The following RPAP2 variants were observed in gnomAD, a reference collection of about 807,000 sequenced individuals.
RPAP2 encodes RNA polymerase II associated protein 2, also known as putative RNA polymerase II subunit B1 CTD phosphatase RPAP2.
RPAP2 carries 52 observed loss-of-function variants against 73.1 expected under a neutral mutation model. The observed-to-expected ratio is 0.71, with a 90% CI of 0.57 to 0.90. The LOEUF (loss-of-function observed/expected upper bound fraction) is 0.90. RPAP2 is among the 40% of genes least tolerant of loss of function. The pLI is 0.00. For missense variants in RPAP2, 598 were observed against 701.8 expected, an observed-to-expected ratio of 0.85 and a Z score of 1.67; for synonymous variants, 225 against 242.1, an observed-to-expected ratio of 0.93 and a Z score of 0.65.
rs1317090584 is a variant in RPAP2, at chr1:92,394,751, T to C, written c.*7740T>C. ...ATTGGAAGATCAAATGTTGTTAAGA[T>C]AGCAGTTCTCCCCAAATTAATCTAC... On this transcript the variant is annotated 3_prime_UTR_variant, in exon 13 of 13. Transcript: ENST00000610020. 1 of 152,230 alleles carries C rather than the reference T, an allele frequency of 6.6e-6. No homozygotes were observed. Among genetic ancestry groups the C allele is most frequent in the East Asian group, 1.9e-4 (1 of 5,194 alleles). 9.4% of individuals were successfully genotyped at this position (152,230 alleles called of 1,614,324 possible).
intron 10 of RPAP2, among the ~76,000 whole-genome samples, chr1:92,345,471 AAG>A (rs954567338): frequency 1.0e-4 from 15 of 149,204 alleles, no homozygotes; most frequent in East Asian, 2.0e-4. Flanking sequence ...GAGGGAGGGA[AAG>A]AGGGGAGGGG....
chr1:92,341,808 C>G (rs1222724410), intron 10 of RPAP2, among the ~76,000 whole-genome samples: 1 of 152,158 alleles, frequency 6.6e-6, no homozygotes, highest in African/African-American at 2.4e-5. Context: ...CCACACCCAG[C>G]TAATTTTCAT....
chr1:92,385,524 G>T (rs1557636720), intron 12 of RPAP2, among the ~76,000 whole-genome samples: 1 of 152,296 alleles, frequency 6.6e-6, no homozygotes, highest in East Asian at 1.9e-4. Flanking sequence ...GAAGATGGTT[G>T]TGAGTAGAAG....
rs370339454 is a variant in RPAP2, at chr1:92,386,993, T to C, written c.*-18T>C. 69 of 1,588,470 alleles carry C rather than the reference T, an allele frequency of 4.3e-5. No individual in the cohort carries two copies. The highest frequency in any genetic ancestry group is 5.6e-5 in the Non-Finnish European group (65 of 1,162,728). ...CCCAATACATGTTTTACTCAAAGTATCCTTTTTTGCTTCACAGATATATTC... is the reference window on the plus strand; with the variant it reads ...CCCAATACATGTTTTACTCAAAGTACCCTTTTTTGCTTCACAGATATATTC... On this transcript the variant is annotated intron_variant, in intron 12 of 12. Transcript: ENST00000610020.
At chr1:92,371,319 A>ATATAT (rs1553155687) in intron 11 of RPAP2, among the ~76,000 whole-genome samples, 16 of 61,730 alleles carry the variant, frequency 2.6e-4, no homozygotes, top group African/African-American at 1.2e-3. Flanking sequence ...AAAAAAAAAA[A>ATATAT]ATATATATAT....
Position 92,324,009 on chromosome 1 carries a change from G to C in RPAP2, c.1089G>C (p.Lys363Asn), listed in dbSNP as rs370498240. The C allele has an allele frequency of 1.9e-6, 3 of 1,613,918 alleles. No homozygotes were observed. The highest frequency in any genetic ancestry group is 1.3e-5 in the African/African-American group (1 of 74,890). ...SSVQVCPEVG[K>N]RNLLKVLKET... ...TGCAGGTGTGTCCTGAAGTTGGAAAGAGAAACTTACTTAAAGTTTTGAAGG... is the reference window on the plus strand; with the variant it reads ...TGCAGGTGTGTCCTGAAGTTGGAAACAGAAACTTACTTAAAGTTTTGAAGG... The change falls in exon 8 of 13, where the codon AAG (lysine) becomes AAC (asparagine). Residue 363 changes from lysine to asparagine, a missense_variant. Around this residue, in one of 3 missense-constraint regions of RPAP2, gnomAD observed 506 missense variants for 612.8 expected, o/e 0.83. Coordinates refer to ENST00000610020, the MANE Select transcript of RPAP2 (RefSeq NM_024813.3).
chr1:92,371,319 A>ATATATATAT (rs1553155687), intron 11 of RPAP2, among the ~76,000 whole-genome samples: 14 of 61,724 alleles, frequency 2.3e-4, no homozygotes, highest in African/African-American at 1.0e-3. Context: ...AAAAAAAAAA[A>ATATATATAT]ATATATATAT....
intron 6 of RPAP2, among the ~76,000 whole-genome samples, chr1:92,309,562 C>CACATATACATAT (rs1651460094): frequency 5.0e-5 from 1 of 20,102 alleles, no homozygotes; most frequent in Non-Finnish European, 9.4e-5. Context: ...CATACACATA[C>CACATATACATAT]ACATACACAT....
chr1:92,323,388 T>G, intron 7 of RPAP2, 57 bp from the exon 8 acceptor site: 1 of 1,272,068 alleles, frequency 7.9e-7, no homozygotes, highest in Non-Finnish European at 1.1e-6. Context: ...TTCTATTGTT[T>G]TCGGGTTTTA....
chr1:92,338,144 T>C (rs1273236643), intron 10 of RPAP2, among the ~76,000 whole-genome samples: 1 of 152,156 alleles, frequency 6.6e-6, no homozygotes, highest in Non-Finnish European at 1.5e-5. Context: ...ATAAAGACAT[T>C]TTTACTTCAT....
chr1:92,335,271 A>G (rs1266241217), intron 9 of RPAP2, among the ~76,000 whole-genome samples: 1 of 152,224 alleles, frequency 6.6e-6, no homozygotes, highest in Admixed American at 6.5e-5. Context: ...AAAATGAAGC[A>G]AAGGTAGCAA....
intron 6 of RPAP2, among the ~76,000 whole-genome samples, chr1:92,311,590 A>G (rs1651598097): frequency 1.3e-5 from 2 of 152,224 alleles, no homozygotes; most frequent in South Asian, 2.1e-4. Context: ...TGAGGATGCC[A>G]TGACCTTACA....
chr1:92,305,510 T>G (rs1257690242), intron 5 of RPAP2, among the ~76,000 whole-genome samples: 4 of 140,136 alleles, frequency 2.9e-5, no homozygotes, highest in African/African-American at 1.1e-4. Flanking sequence ...AGATGGAAAA[T>G]TATAGGCCAA....
At chr1:92,371,444 A>G (rs1327357022) in intron 11 of RPAP2, among the ~76,000 whole-genome samples, 1 of 152,000 alleles carries the variant, frequency 6.6e-6, no homozygotes, top group Non-Finnish European at 1.5e-5. Context: ...TCCACAGGAA[A>G]TGAAATCAGT....
At chr1:92,313,413 G>A (rs977826558) in intron 6 of RPAP2, among the ~76,000 whole-genome samples, 1 of 150,094 alleles carries the variant, frequency 6.7e-6, no homozygotes, top group East Asian at 2.0e-4. Context: ...TAGGTACATT[G>A]TTAATAATCA....
At chr1:92,383,994 T>G (rs967694887) in intron 12 of RPAP2, among the ~76,000 whole-genome samples, 2 of 151,188 alleles carry the variant, frequency 1.3e-5, no homozygotes, top group African/African-American at 2.4e-5. Context: ...GGAGTCTCGC[T>G]CTGTTGCCAG....
intron 12 of RPAP2, among the ~76,000 whole-genome samples, chr1:92,385,827 A>T (rs1406887862): frequency 6.6e-6 from 1 of 152,254 alleles, no homozygotes; most frequent in Non-Finnish European, 1.5e-5. Flanking sequence ...TCAGGAATCT[A>T]GGTGCAGTTG....
chr1:92,360,410 G>C (rs879826926), intron 11 of RPAP2, among the ~76,000 whole-genome samples: 1 of 152,148 alleles, frequency 6.6e-6, no homozygotes, highest in Non-Finnish European at 1.5e-5. Flanking sequence ...AGCAAATGCC[G>C]ACTACTCTTT....
chr1:92,360,755 T>C (rs1265938851), intron 11 of RPAP2, among the ~76,000 whole-genome samples: 1 of 152,204 alleles, frequency 6.6e-6, no homozygotes, highest in African/African-American at 2.4e-5. Flanking sequence ...ATTTCAAAAG[T>C]GCAGAAACCA....
Sources: gnomAD v4.1 joint callset for allele counts (sites outside exome capture counted in the v4.1 genomes callset) on GRCh38, gnomAD v4.1.1 for gene constraint, gnomAD v4.1.1 regional missense constraint, MANE v1.5 for transcripts, NCBI Gene and HGNC (gene_info 2026-07-23, HGNC 2026-07-21) for gene names.